IDH2: variants seen among roughly 807,000 people sequenced by gnomAD.
IDH2 encodes isocitrate dehydrogenase (NADP(+)) 2.
Under a neutral mutation model 50.5 loss-of-function variants are expected in IDH2, and 18 were observed. That is an observed-to-expected ratio of 0.36 (90% CI 0.25 to 0.53). The LOEUF (loss-of-function observed/expected upper bound fraction) is 0.53. Ranked by LOEUF, IDH2 falls within the 20% of genes least tolerant of loss-of-function variation. IDH2 has a pLI of 0.92. For synonymous variants in IDH2, 280 were observed against 239.8 expected (o/e 1.17, Z -1.55); for missense variants, 518 against 610.7 (o/e 0.85, Z 1.60).
rs754701146 is a variant in IDH2, at chr15:90,087,494, T to C, written c.760A>G (p.Ile254Val). 1 of 1,614,210 alleles carries C rather than the reference T, an allele frequency of 6.2e-7. No homozygotes were observed. The highest frequency in any genetic ancestry group is 1.1e-5 in the South Asian group (1 of 91,086). The change falls in exon 6 of 11, where the codon ATA (isoleucine) becomes GTA (valine). Residue 254 changes from isoleucine (I) to valine (V), a missense_variant. Physicochemically the swap from Ile to Val is conservative, Grantham distance 29. Transcript: ENST00000330062. ...AAACGCCCATCGTAGGCTTTCAGTA[T>C]GGTGTTCTTGGTGCTCATGTACAGC... The part of the protein sequence containing the change: ...WPLYMSTKNT[I>V]LKAYDGRFKD...
At chr15:90,091,419 G>A in intron 2 of IDH2, 134 bp downstream of exon 2, 2 of 743,684 alleles carry the variant, frequency 2.7e-6, no homozygotes, top group East Asian at 5.2e-5. Flanking sequence ...GACAGAGGGA[G>A]AGAAACAGAG....
chr15:90,100,938 C>CTT lies in IDH2; in HGVS notation c.115+1336_115+1337dup, dbSNP rs35633367. Among the ~76,000 whole-genome samples the CTT allele has an allele frequency of 0.18, 25,688 of 145,346 alleles. 2,510 individuals are homozygous for CTT. The highest frequency in any genetic ancestry group is 0.26 in the African/African-American group (10,285 of 39,808). ...TGTGTGTTTTTCGGGTTGTTTGTTT[C>CTT]TTTTTTTTTTTTTTACCATCAAGGC... On this transcript the variant is annotated intron_variant, in intron 1 of 10. Coordinates refer to ENST00000330062, the MANE Select transcript of IDH2 (RefSeq NM_002168.4). This position sits in a 1 kb window ranked among gnomAD's most constrained non-coding sequence, Gnocchi z 4.1.
At position 90,089,422 on chromosome 15, in the gene IDH2, G is replaced by C. The variant is rs147823295; in HGVS notation, c.374-675C>G. The stretch of plus-strand genomic sequence containing the variant: ...CACATGGAGGGAGTACAGTCCGGGG[G>C]AAGGACTTGTCTGACGAAGCCTGAC... On this transcript the variant is annotated intron_variant, in intron 3 of 10. Coordinates refer to ENST00000330062, the MANE Select transcript of IDH2 (RefSeq NM_002168.4). 4.8e-3 allele frequency among the ~76,000 whole-genome samples: 734 copies of C among 152,286 alleles called. 8 individuals are homozygous for C. The highest frequency in any genetic ancestry group is 0.018 in the South Asian group (86 of 4,820).
chr15:90,097,626 A>G (rs1477675751), intron 1 of IDH2, among the ~76,000 whole-genome samples: 1 of 152,200 alleles, frequency 6.6e-6, no homozygotes, highest in Non-Finnish European at 1.5e-5. Context: ...AGTCAAATTC[A>G]TAGAAACAGA....
chr15:90,102,238 G>T, intron 1 of IDH2, 38 bp downstream of exon 1: 1 of 912,352 alleles, frequency 1.1e-6, no homozygotes, highest in Non-Finnish European at 1.4e-6. Flanking sequence ...TCGCAGCTGG[G>T]GGCGCGCGCC....
intron 5 of IDH2, 53 bp from the exon 6 acceptor site, chr15:90,087,628 G>C: frequency 6.8e-6 from 11 of 1,609,222 alleles, no homozygotes; most frequent in Non-Finnish European, 9.3e-6. Context: ...GGCGATTGCC[G>C]GCAACCTCCC....
In IDH2 at chr15:90,102,369, C is replaced by G. The variant is rs1328301039; in HGVS notation, c.22G>C (p.Val8Leu). The G allele has an allele frequency of 1.1e-5, 15 of 1,363,218 alleles. No homozygotes were observed. Among genetic ancestry groups the G allele is most frequent in the Non-Finnish European group, 1.4e-5 (15 of 1,047,670 alleles). The allele number at this position is 1,363,218 out of a possible 1,614,324, so 84.4% of individuals were successfully genotyped here. MAGYLRVVRSLCRASGSR... is the reference protein window; with the variant it reads MAGYLRVLRSLCRASGSR... ...CCTGAGGCTCTGCAGAGCGAGCGCA[C>G]GACCCGCAGGTAGCCGGCCATCCCA... The change falls in exon 1 of 11, where the codon GTG becomes CTG. Residue 8 changes from valine to leucine, a missense_variant. Coordinates refer to ENST00000330062, the MANE Select transcript of IDH2 (RefSeq NM_002168.4).
At chr15:90,097,940 G>A (rs887743022) in intron 1 of IDH2, among the ~76,000 whole-genome samples, 2 of 152,086 alleles carry the variant, frequency 1.3e-5, no homozygotes, top group Admixed American at 6.5e-5. Context: ...GGCTGAAGGC[G>A]GCCTCTCCCT....
intron 1 of IDH2, among the ~76,000 whole-genome samples, chr15:90,093,971 T>C (rs896894834): frequency 1.3e-5 from 2 of 152,132 alleles, no homozygotes; most frequent in Non-Finnish European, 2.9e-5. Context: ...GTTAACAGCT[T>C]ACTGCCCAAG....
At chr15:90,087,652 A>C (rs1900898933) in intron 5 of IDH2, 77 bp from the exon 6 acceptor site, 25 of 1,572,588 alleles carry the variant, frequency 1.6e-5, no homozygotes, top group Non-Finnish European at 2.1e-5. Context: ...TCCCAGGGCA[A>C]GGCCCAGCTC....
Position 90,085,414 on chromosome 15 carries a change from G to A in IDH2, c.968-27C>T. ...TGGAGGGTAGAAAGCCTTTCTCTCAGGGCCTCGCCTCTCCTGGGGCCACCC... is the reference window on the plus strand; with the variant it reads ...TGGAGGGTAGAAAGCCTTTCTCTCAAGGCCTCGCCTCTCCTGGGGCCACCC... On this transcript the variant is annotated intron_variant, in intron 7 of 10. Coordinates refer to ENST00000330062, the MANE Select transcript of IDH2 (RefSeq NM_002168.4). This position sits in a 1 kb window ranked among gnomAD's most constrained non-coding sequence, Gnocchi z 5.5. 6.7e-7 allele frequency: 1 copy of A among 1,485,368 alleles called. No homozygotes were observed. Among genetic ancestry groups the A allele is most frequent in the Non-Finnish European group, 9.2e-7 (1 of 1,087,382 alleles). The allele number at this position is 1,485,368 out of a possible 1,614,324, so 92.0% of individuals were successfully genotyped here.
At position 90,102,265 on chromosome 15, in the gene IDH2, G is replaced by A. The variant is rs1344861167; in HGVS notation, c.115+11C>T. On this transcript the variant is annotated intron_variant, in intron 1 of 10. Transcript: ENST00000330062. The stretch of plus-strand genomic sequence containing the variant: ...GCGCGCGCCTGCCTGGACCCTCCGC[G>A]CGGCACTCACAGTGGCGCCGCGGCT... 1.7e-6 allele frequency: 2 copies of A among 1,206,558 alleles called. No homozygotes were observed. The highest frequency in any genetic ancestry group is 2.1e-6 in the Non-Finnish European group (2 of 951,116). 74.7% of individuals were successfully genotyped at this position (1,206,558 alleles called of 1,614,324 possible).
intron 2 of IDH2, 81 bp from the exon 3 acceptor site, chr15:90,090,725 G>A (rs1308246890): frequency 4.2e-6 from 6 of 1,414,826 alleles, no homozygotes; most frequent in Non-Finnish European, 6.0e-6. Flanking sequence ...GAAGTCTGCA[G>A]GCCATGGCAG....
chr15:90,099,812 G>A (rs150495794), intron 1 of IDH2, among the ~76,000 whole-genome samples: 1 of 152,060 alleles, frequency 6.6e-6, no homozygotes, highest in South Asian at 2.1e-4. Context: ...CTTGCTTACT[G>A]TCTGCCCCCT....
At chr15:90,094,197 GGA>G (rs1901123084) in intron 1 of IDH2, among the ~76,000 whole-genome samples, 1 of 152,156 alleles carries the variant, frequency 6.6e-6, no homozygotes, top group South Asian at 2.1e-4. Flanking sequence ...CGCTACTGAA[GGA>G]GAGTCTGACT....
chr15:90,099,604 A>G (rs1229371880), intron 1 of IDH2, among the ~76,000 whole-genome samples: 3 of 152,048 alleles, frequency 2.0e-5, no homozygotes, highest in African/African-American at 4.8e-5. Flanking sequence ...ACAGACATGC[A>G]CCATCGTGCC....
In IDH2 at chr15:90,084,848, C is replaced by T; in HGVS notation, c.1239G>A (p.Lys413=). ...VETVESGAMT[K]DLAGCIHGLS... is the part of the protein sequence containing the mutation. ...GGCCGTGAATGCAGCCCGCCAGGTC[C>T]TTGGTCATGGCTCCACTCTCCACCG... The change falls in exon 10 of 11, where the codon AAG becomes AAA. Residue 413 remains lysine, a synonymous_variant. Coordinates refer to ENST00000330062, the MANE Select transcript of IDH2 (RefSeq NM_002168.4). This position sits in a 1 kb window ranked among gnomAD's most constrained non-coding sequence, Gnocchi z 5.0. 1.9e-6 allele frequency: 3 copies of T among 1,614,044 alleles called. No homozygotes were observed. Among genetic ancestry groups the T allele is most frequent in the Non-Finnish European group, 2.5e-6 (3 of 1,180,006 alleles).
intron 1 of IDH2, among the ~76,000 whole-genome samples, chr15:90,099,554 A>T (rs1045081593): frequency 4.6e-5 from 7 of 152,084 alleles, no homozygotes; most frequent in African/African-American, 1.7e-4. Flanking sequence ...TGCAGCCTTG[A>T]CCTCCTGGGC....
At chr15:90,099,041 T>C (rs538137966) in intron 1 of IDH2, among the ~76,000 whole-genome samples, 3 of 152,180 alleles carry the variant, frequency 2.0e-5, no homozygotes, top group Admixed American at 2.0e-4. Flanking sequence ...CTTCAAAATA[T>C]ATCCAGAATC....
Sources: allele counts gnomAD v4.1 joint callset (sites outside exome capture counted in the v4.1 genomes callset), GRCh38; gene constraint gnomAD v4.1.1; non-coding constraint Gnocchi (gnomAD v3.1); transcripts MANE v1.5; gene names NCBI Gene and HGNC (gene_info 2026-07-23, HGNC 2026-07-21).